GAPVD1: variants seen among roughly 807,000 people sequenced by gnomAD.
GAPVD1 encodes GTPase-activating protein and VPS9 domain-containing protein 1.
Under a neutral mutation model 155.5 loss-of-function variants are expected in GAPVD1, and 35 were observed. The observed-to-expected ratio is 0.23, with a 90% CI of 0.17 to 0.30. The LOEUF is 0.30. GAPVD1 is among the 10% of genes least tolerant of loss of function. GAPVD1 has a pLI of 1.00. For synonymous variants in GAPVD1, 636 were observed against 619.7 expected (o/e 1.03, Z -0.39); for missense variants, 1,429 against 1,775.7 (o/e 0.80, Z 3.51).
chr9:125,349,106 T>C (rs1287427726), intron 20 of GAPVD1, among the ~76,000 whole-genome samples: 1 of 152,234 alleles, frequency 6.6e-6, no homozygotes, highest in Non-Finnish European at 1.5e-5. Flanking sequence ...CTTTATTAAG[T>C]TAATGTGAAC....
intron 2 of GAPVD1, among the ~76,000 whole-genome samples, chr9:125,291,401 G>C (rs1838586562): frequency 6.6e-6 from 1 of 152,208 alleles, no homozygotes; most frequent in Non-Finnish European, 1.5e-5. Context: ...CTAGTGAGGA[G>C]GGCAGGTTGA....
chr9:125,342,600 C>G (rs1311261221), intron 19 of GAPVD1, among the ~76,000 whole-genome samples: 1 of 152,184 alleles, frequency 6.6e-6, no homozygotes, highest in Non-Finnish European at 1.5e-5. Flanking sequence ...TGATGACACA[C>G]AGTGCCTTTT....
At chr9:125,310,313 A>G (rs1588856488) in intron 8 of GAPVD1, among the ~76,000 whole-genome samples, 1 of 152,192 alleles carries the variant, frequency 6.6e-6, no homozygotes, top group African/African-American at 2.4e-5. Flanking sequence ...ATTAATGAAC[A>G]TTAATCAGCA....
intron 9 of GAPVD1, among the ~76,000 whole-genome samples, chr9:125,316,475 C>T (rs1165775550): frequency 2.0e-5 from 3 of 152,130 alleles, no homozygotes; most frequent in Non-Finnish European, 2.9e-5. Context: ...TGATGGTTTC[C>T]AGCTTCATCT....
At chr9:125,341,472 G>A (rs1051795079) in intron 18 of GAPVD1, 2 of 446,514 alleles carry the variant, frequency 4.5e-6, no homozygotes, top group Non-Finnish European at 7.9e-6. Flanking sequence ...AAGTGATAGT[G>A]GTTTCATAAA....
intron 2 of GAPVD1, among the ~76,000 whole-genome samples, chr9:125,291,467 G>A (rs980226953): frequency 6.6e-6 from 1 of 152,132 alleles, no homozygotes; most frequent in Admixed American, 6.6e-5. Flanking sequence ...CACTAGCTAG[G>A]TAAGGAGGGA....
chr9:125,277,417 C>T (rs1317478066), intron 2 of GAPVD1, among the ~76,000 whole-genome samples: 1 of 152,014 alleles, frequency 6.6e-6, no homozygotes, highest in Non-Finnish European at 1.5e-5. Flanking sequence ...ATTTAACTGG[C>T]CAATGAAAGG....
chr9:125,354,740 G>A lies in GAPVD1; in HGVS notation c.3656G>A (p.Arg1219Lys). The A allele has an allele frequency of 1.2e-6, 2 of 1,613,570 alleles. No individual in the cohort carries two copies. Among genetic ancestry groups the A allele is most frequent in the Non-Finnish European group, 1.7e-6 (2 of 1,179,456 alleles). Residue 1219 changes from arginine to lysine, a missense_variant, in exon 24 of 28, where the codon AGA (arginine) becomes AAA (lysine). Arg to Lys is a conservative substitution (Grantham distance 26). This residue lies in a region of GAPVD1 where 699 missense variants were observed against 826.0 expected (regional missense o/e 0.85). Transcript: ENST00000297933. ...TQAHLERLLQ[R>K]VLRDKEVANR... is the part of the protein sequence containing the mutation. ...GCTCACCTGGAAAGGCTATTGCAAA[G>A]AGTTTTGCGGGACAAAGAAGTGGCC...
At chr9:125,314,789 C>CTTT (rs35084399) in intron 9 of GAPVD1, among the ~76,000 whole-genome samples, 2 of 140,824 alleles carry the variant, frequency 1.4e-5, no homozygotes, top group African/African-American at 2.6e-5. Context: ...GTAGCAGCTT[C>CTTT]TTTTTTTTTT....
intron 21 of GAPVD1, 140 bp downstream of exon 21, chr9:125,349,659 T>G (rs2132350518): frequency 4.3e-6 from 3 of 704,738 alleles, no homozygotes; most frequent in Non-Finnish European, 7.0e-6. Context: ...CTAAGAAGAC[T>G]TTGTTTCAGT....
intron 2 of GAPVD1, among the ~76,000 whole-genome samples, chr9:125,292,153 C>T (rs368589638): frequency 6.6e-6 from 1 of 152,060 alleles, no homozygotes; most frequent in East Asian, 1.9e-4. Context: ...GAGAGGATTG[C>T]TTGAGTCTGG....
At chr9:125,265,544 T>C (rs936448525) in intron 1 of GAPVD1, among the ~76,000 whole-genome samples, 6 of 151,394 alleles carry the variant, frequency 4.0e-5, no homozygotes, top group Admixed American at 3.3e-4. Context: ...CCTCCTGGGC[T>C]GGGACTACAG....
At chr9:125,351,875 G>A (rs1386840933) in intron 23 of GAPVD1, among the ~76,000 whole-genome samples, 1 of 152,142 alleles carries the variant, frequency 6.6e-6, no homozygotes, top group Non-Finnish European at 1.5e-5. Flanking sequence ...CAAGTAGCTG[G>A]GATTACAGGC....
chr9:125,266,592 C>T (rs1166867055), intron 1 of GAPVD1, among the ~76,000 whole-genome samples: 3 of 151,984 alleles, frequency 2.0e-5, no homozygotes, highest in Non-Finnish European at 2.9e-5. Context: ...GGATTACAGG[C>T]GTGAGCCACC....
At chr9:125,264,111 T>C in intron 1 of GAPVD1, 2 of 739,526 alleles carry the variant, frequency 2.7e-6, no homozygotes, top group Non-Finnish European at 2.4e-6. Context: ...TTTGAATCAT[T>C]GAAGGCAGAC....
In GAPVD1 at chr9:125,302,418, G is replaced by C; in HGVS notation, c.621G>C (p.Leu207=). 1.2e-6 allele frequency: 2 copies of C among 1,613,728 alleles called. No homozygotes were observed. The highest frequency in any genetic ancestry group is 8.5e-7 in the Non-Finnish European group (1 of 1,179,786). The change falls in exon 5 of 28, where the codon CTG becomes CTC. Residue 207 remains leucine (L), a synonymous_variant. Coordinates refer to ENST00000297933, the MANE Select transcript of GAPVD1 (RefSeq NM_001282680.3). ...TATLHEPIMQ[L]LVEDEDHLET... ...CTTTACATGAGCCAATTATGCAACT[G>C]CTTGTTGAAGATGAAGATCACCTGG...
At chr9:125,350,543 G>T in intron 22 of GAPVD1, 139 bp downstream of exon 22, 1 of 710,306 alleles carries the variant, frequency 1.4e-6, no homozygotes, top group South Asian at 1.8e-5. Context: ...TCACTTAAGG[G>T]CACTTTGATT....
intron 10 of GAPVD1, 59 bp from the exon 11 acceptor site, chr9:125,323,739 T>C (rs953430406): frequency 5.6e-5 from 88 of 1,572,102 alleles, no homozygotes; most frequent in Non-Finnish European, 7.5e-5. Context: ...GCATGAAAAA[T>C]TGTGTGGTGG....
At position 125,306,569 on chromosome 9, in the gene GAPVD1, T is replaced by C. The variant is rs553406950; in HGVS notation, c.1117-844T>C. On this transcript the variant is annotated intron_variant, in intron 6 of 27. Transcript: ENST00000297933. The stretch of plus-strand genomic sequence containing the variant: ...ACCCAGTGATGCCATCTCAGCTCAC[T>C]GCAGCCTCGACCTCCCTGGCGCAAG... 8.5e-5 allele frequency among the ~76,000 whole-genome samples: 13 copies of C among 152,202 alleles called. No individual in the cohort carries two copies. In the South Asian group the frequency reaches 1.4e-3, roughly 17 times the overall value.
Sources: allele counts gnomAD v4.1 joint callset (sites outside exome capture counted in the v4.1 genomes callset), GRCh38; gene constraint gnomAD v4.1.1; regional missense constraint gnomAD v4.1.1; transcripts MANE v1.5; gene names NCBI Gene and HGNC (gene_info 2026-07-23, HGNC 2026-07-21).